CUL1: variants seen among roughly 807,000 people sequenced by gnomAD.
The protein encoded by CUL1 is cullin 1.
CUL1 carries 24 observed loss-of-function variants against 118.0 expected under a neutral mutation model. The observed-to-expected ratio is 0.20, with a 90% CI of 0.15 to 0.29. CUL1 has a LOEUF of 0.29. Ranked by LOEUF, CUL1 falls within the 10% of genes least tolerant of loss-of-function variation. CUL1 has a pLI of 1.00. For missense variants in CUL1, 361 were observed against 933.8 expected (o/e 0.39, Z 7.99); for synonymous variants, 332 against 340.4 (o/e 0.98, Z 0.27).
chr7:148,721,861 T>C (rs117531546), intron 1 of CUL1, among the ~76,000 whole-genome samples: 16 of 152,316 alleles, frequency 1.1e-4, no homozygotes, highest in Non-Finnish European at 2.4e-4. Context: ...ATGTGGGTTG[T>C]TTCCAGGTTT....
chr7:148,786,400 G>A (rs1800813947), intron 11 of CUL1, 151 bp from the exon 12 acceptor site: 1 of 607,468 alleles, frequency 1.6e-6, no homozygotes, highest in South Asian at 2.3e-5. Flanking sequence ...TTGCCAGTTT[G>A]CTGTAGGTAA....
chr7:148,727,930 A>G (rs146770629), intron 1 of CUL1, among the ~76,000 whole-genome samples: 267 of 152,216 alleles, frequency 1.8e-3, no homozygotes, highest in African/African-American at 6.1e-3. Flanking sequence ...GTGACAGCCT[A>G]TTCAGAATTA....
chr7:148,756,219 A>G (rs919290481), intron 3 of CUL1, among the ~76,000 whole-genome samples: 1 of 152,242 alleles, frequency 6.6e-6, no homozygotes, highest in South Asian at 2.1e-4. Context: ...ACAGATCACC[A>G]CAAAAAAGTG....
At chr7:148,749,538 A>T (rs1799418151) in intron 2 of CUL1, among the ~76,000 whole-genome samples, 1 of 152,220 alleles carries the variant, frequency 6.6e-6, no homozygotes, top group South Asian at 2.1e-4. Context: ...ATCAATGATA[A>T]AAAGAATGGC....
intron 2 of CUL1, among the ~76,000 whole-genome samples, chr7:148,752,342 A>AATGC (rs1799515654): frequency 6.6e-6 from 1 of 152,118 alleles, no homozygotes; most frequent in Admixed American, 6.5e-5. Flanking sequence ...CAAGTGTGGG[A>AATGC]ATGCAGTAAG....
At chr7:148,780,213 A>G (rs563701470) in intron 9 of CUL1, among the ~76,000 whole-genome samples, 55 of 152,324 alleles carry the variant, frequency 3.6e-4, no homozygotes, top group Non-Finnish European at 6.5e-4. Context: ...CGTGGTTCAG[A>G]TAGTGATAGT....
chr7:148,783,593 A>G (rs774039166), intron 9 of CUL1, 190 bp from the exon 10 acceptor site: 39 of 1,503,258 alleles, frequency 2.6e-5, no homozygotes, highest in East Asian at 7.6e-5. Flanking sequence ...TTTCTTTTAT[A>G]TATATAAACA....
intron 2 of CUL1, among the ~76,000 whole-genome samples, chr7:148,735,534 C>A (rs373520728): frequency 1.5e-4 from 23 of 152,248 alleles, no homozygotes; most frequent in African/African-American, 4.6e-4. Flanking sequence ...GCAGATCACA[C>A]AGAAGGAATA....
intron 1 of CUL1, among the ~76,000 whole-genome samples, chr7:148,712,493 T>A (rs1188755922): frequency 6.6e-6 from 1 of 152,224 alleles, no homozygotes; most frequent in African/African-American, 2.4e-5. Flanking sequence ...TCAAAGGTAT[T>A]GTGGAGTTTT....
chr7:148,714,468 C>T (rs539310364), intron 1 of CUL1, among the ~76,000 whole-genome samples: 2 of 152,166 alleles, frequency 1.3e-5, no homozygotes, highest in South Asian at 2.1e-4. Context: ...GACTTCGCAC[C>T]TTTGACCAGT....
chr7:148,772,428 A>AAC (rs1554471822), intron 9 of CUL1, among the ~76,000 whole-genome samples: 5 of 151,200 alleles, frequency 3.3e-5, no homozygotes, highest in African/African-American at 1.2e-4. Context: ...AAAAAAACAA[A>AAC]AAAAAAAACC....
intron 2 of CUL1, among the ~76,000 whole-genome samples, chr7:148,730,666 G>A (rs1360990140): frequency 6.6e-6 from 1 of 152,218 alleles, no homozygotes; most frequent in African/African-American, 2.4e-5. Flanking sequence ...ACTGCCTTGT[G>A]TTATGGGAAC....
chr7:148,716,532 T>A (rs1798219588), intron 1 of CUL1, among the ~76,000 whole-genome samples: 1 of 152,210 alleles, frequency 6.6e-6, no homozygotes. Context: ...TGGACCCCAC[T>A]GTAGTCTCAC....
At chr7:148,722,379 G>A (rs1798423001) in intron 1 of CUL1, among the ~76,000 whole-genome samples, 1 of 152,244 alleles carries the variant, frequency 6.6e-6, no homozygotes, top group Admixed American at 6.5e-5. Context: ...CCTCTCTAGA[G>A]TCCTCATCCA....
intron 7 of CUL1, among the ~76,000 whole-genome samples, chr7:148,764,391 T>C (rs1051792683): frequency 6.6e-6 from 1 of 152,136 alleles, no homozygotes; most frequent in Admixed American, 6.5e-5. Context: ...TGCCAATATA[T>C]AAAATAAGCT....
At chr7:148,711,507 T>C (rs1211244042) in intron 1 of CUL1, among the ~76,000 whole-genome samples, 1 of 152,160 alleles carries the variant, frequency 6.6e-6, no homozygotes, top group Non-Finnish European at 1.5e-5. Context: ...TGGTAAATTG[T>C]CTTTAAAACA....
chr7:148,703,573 C>T (rs1215257844), intron 1 of CUL1, among the ~76,000 whole-genome samples: 1 of 151,934 alleles, frequency 6.6e-6, no homozygotes, highest in Admixed American at 6.6e-5. Flanking sequence ...CACTCTGTCG[C>T]CCCCACTGGA....
chr7:148,797,980 A>G lies in CUL1; in HGVS notation c.1991A>G (p.Lys664Arg). Residue 664 changes from lysine to arginine, a missense_variant, in exon 19 of 22, where the codon AAG (lysine) becomes AGG (arginine). Coordinates refer to ENST00000325222, the MANE Select transcript of CUL1 (RefSeq NM_003592.3). ...GCAAATGTTGATGAGGTGGAATTGAAGCCAGATACCTTAATAAAATTATAT... is the reference window on the plus strand; with the variant it reads ...GCAAATGTTGATGAGGTGGAATTGAGGCCAGATACCTTAATAAAATTATAT... ...ENANVDEVEL[K>R]PDTLIKLYLG... 6.2e-7 allele frequency: 1 copy of G among 1,611,692 alleles called. No individual in the cohort carries two copies.
At chr7:148,764,670 C>A (rs1193962615) in intron 7 of CUL1, among the ~76,000 whole-genome samples, 1 of 152,186 alleles carries the variant, frequency 6.6e-6, no homozygotes, top group Non-Finnish European at 1.5e-5. Context: ...TTTGCATGTT[C>A]TATATTCCAC....
Sources: gnomAD v4.1 joint callset for allele counts (sites outside exome capture counted in the v4.1 genomes callset) on GRCh38, gnomAD v4.1.1 for gene constraint, MANE v1.5 for transcripts, NCBI Gene and HGNC (gene_info 2026-07-23, HGNC 2026-07-21) for gene names.